Variants in PTPRD observed in about 807,000 individuals in gnomAD.
The protein encoded by PTPRD is receptor-type tyrosine-protein phosphatase delta.
A neutral mutation model predicts 214.5 loss-of-function variants in PTPRD; 34 were observed. That is an observed-to-expected ratio of 0.16 (90% CI 0.12 to 0.21). The LOEUF (loss-of-function observed/expected upper bound fraction) is 0.21, where lower values mean the gene tolerates loss of function less well. Among genes scored for constraint, PTPRD ranks in the 10% least tolerant of loss-of-function variants. The pLI, the probability that PTPRD is intolerant of heterozygous loss-of-function variation, is 1.00. For synonymous variants in PTPRD, 1,128 were observed against 845.7 expected, an observed-to-expected ratio of 1.33 and a Z score of -5.79; for missense variants, 2,545 against 2,398.7, an observed-to-expected ratio of 1.06 and a Z score of -1.27.
At chr9:10,449,266 C>T (rs528856609) in intron 2 of PTPRD, among the ~76,000 whole-genome samples, 2 of 151,914 alleles carry the variant, frequency 1.3e-5, no homozygotes, top group African/African-American at 2.4e-5. Flanking sequence ...GTCTCCAGCT[C>T]CTGACGGCGA....
At chr9:10,167,002 AAAACAAAG>A (rs1219521882) in intron 3 of PTPRD, among the ~76,000 whole-genome samples, 1 of 152,168 alleles carries the variant, frequency 6.6e-6, no homozygotes, top group African/African-American at 2.4e-5. Flanking sequence ...ATTGATGGTT[AAAACAAAG>A]TATTCACTTT....
intron 10 of PTPRD, among the ~76,000 whole-genome samples, chr9:9,135,720 G>A (rs1188859658): frequency 6.6e-6 from 1 of 151,878 alleles, no homozygotes; most frequent in Non-Finnish European, 1.5e-5. Flanking sequence ...TATATCCTAT[G>A]TTAGAACTTT....
At chr9:8,836,318 C>G (rs925731036) in intron 11 of PTPRD, among the ~76,000 whole-genome samples, 2 of 152,078 alleles carry the variant, frequency 1.3e-5, no homozygotes, top group African/African-American at 4.8e-5. Context: ...CTCTATTTCA[C>G]AAAGAAAGAG....
At chr9:10,277,692 C>G (rs1011528653) in intron 3 of PTPRD, among the ~76,000 whole-genome samples, 1 of 152,146 alleles carries the variant, frequency 6.6e-6, no homozygotes, top group Non-Finnish European at 1.5e-5. Context: ...CCTCATGATT[C>G]AATTAATATA....
At chr9:8,808,374 T>C (rs2096729871) in intron 11 of PTPRD, among the ~76,000 whole-genome samples, 1 of 150,990 alleles carries the variant, frequency 6.6e-6, no homozygotes, top group Admixed American at 6.6e-5. Flanking sequence ...AACGCTAAGC[T>C]AACCCCACAT....
chr9:9,497,568 A>G (rs1308409552), intron 8 of PTPRD, among the ~76,000 whole-genome samples: 2 of 152,202 alleles, frequency 1.3e-5, no homozygotes, highest in Non-Finnish European at 2.9e-5. Context: ...TTTACGAACA[A>G]ATATTTTTAT....
At chr9:9,371,484 C>T (rs2059477977) in intron 9 of PTPRD, among the ~76,000 whole-genome samples, 1 of 152,024 alleles carries the variant, frequency 6.6e-6, no homozygotes, top group South Asian at 2.1e-4. Context: ...TTTATTGCGT[C>T]TATTTGATTC....
At chr9:8,621,124 A>C (rs554286631) in intron 14 of PTPRD, among the ~76,000 whole-genome samples, 1 of 151,926 alleles carries the variant, frequency 6.6e-6, no homozygotes, top group African/African-American at 2.4e-5. Flanking sequence ...CTAATTCCAA[A>C]GATTCCTCAA....
intron 3 of PTPRD, among the ~76,000 whole-genome samples, chr9:10,339,461 A>G (rs1253851008): frequency 6.6e-6 from 1 of 151,696 alleles, no homozygotes; most frequent in Non-Finnish European, 1.5e-5. Context: ...CACAAAAAGC[A>G]TTTTCACTCT....
chr9:10,075,272 A>G (rs1292341928), intron 3 of PTPRD, among the ~76,000 whole-genome samples: 2 of 152,084 alleles, frequency 1.3e-5, no homozygotes, highest in East Asian at 3.9e-4. Flanking sequence ...ATTAACTACA[A>G]AGCAAAAACT....
At chr9:10,013,747 G>T (rs1458437239) in intron 4 of PTPRD, among the ~76,000 whole-genome samples, 1 of 151,878 alleles carries the variant, frequency 6.6e-6, no homozygotes, top group Non-Finnish European at 1.5e-5. Flanking sequence ...TCAAGGTGCT[G>T]TTTCAATGAA....
At chr9:8,754,567 C>T (rs1393919694) in intron 11 of PTPRD, among the ~76,000 whole-genome samples, 1 of 152,192 alleles carries the variant, frequency 6.6e-6, no homozygotes, top group Non-Finnish European at 1.5e-5. Flanking sequence ...AAAACATACA[C>T]TGACCCTCTA....
intron 8 of PTPRD, among the ~76,000 whole-genome samples, chr9:9,547,067 G>A (rs2078976901): frequency 1.3e-5 from 2 of 151,904 alleles, no homozygotes. Context: ...TGTATGCTTG[G>A]TAACAACAGC....
chr9:9,903,266 T>C (rs1204151661), intron 5 of PTPRD, among the ~76,000 whole-genome samples: 3 of 152,154 alleles, frequency 2.0e-5, no homozygotes, highest in African/African-American at 2.4e-5. Context: ...TTTTTTATTT[T>C]CTAATATTGT....
chr9:10,405,646 TA>T (rs1392483099), intron 2 of PTPRD, among the ~76,000 whole-genome samples: 1 of 151,596 alleles, frequency 6.6e-6, no homozygotes, highest in Admixed American at 6.6e-5. Context: ...GAAGTGTATG[TA>T]CAGAAATTTT....
At chr9:9,716,375 G>A (rs1225957416) in intron 7 of PTPRD, among the ~76,000 whole-genome samples, 1 of 151,558 alleles carries the variant, frequency 6.6e-6, no homozygotes, top group Non-Finnish European at 1.5e-5. Context: ...ACCCAGTAAT[G>A]GGATGGCTGG....
intron 3 of PTPRD, among the ~76,000 whole-genome samples, chr9:10,075,471 G>T (rs986491817): frequency 6.6e-6 from 1 of 151,442 alleles, no homozygotes; most frequent in Non-Finnish European, 1.5e-5. Flanking sequence ...TAACTTATTT[G>T]ATTTATATAC....
Position 10,257,845 on chromosome 9 carries a change from A to C in PTPRD, c.-545+83118T>G, listed in dbSNP as rs575591993. 2.6e-5 allele frequency among the ~76,000 whole-genome samples: 4 copies of C among 152,370 alleles called. No homozygotes were observed. In the South Asian group the frequency reaches 8.3e-4, roughly 32 times the overall value. ...CTAAAATGTTAAGATGCTAATGGTC[A>C]TATGCATTCATCATATTAGAAAAAC... On this transcript the variant is annotated intron_variant, in intron 3 of 45. Transcript: ENST00000381196.
intron 44 of PTPRD, among the ~76,000 whole-genome samples, chr9:8,321,483 G>GTATA (rs1283435570): frequency 4.1e-5 from 2 of 48,758 alleles, no homozygotes; most frequent in East Asian, 5.1e-4. Context: ...GTGTGTGTGT[G>GTATA]TGTGTATATA....
Sources: allele counts gnomAD v4.1 joint callset (sites outside exome capture counted in the v4.1 genomes callset), GRCh38; gene constraint gnomAD v4.1.1; transcripts MANE v1.5; gene names NCBI Gene and HGNC (gene_info 2026-07-23, HGNC 2026-07-21).